Variants in DNPEP observed in about 807,000 individuals in gnomAD.
DNPEP encodes aspartyl aminopeptidase.
Under a neutral mutation model 59.1 loss-of-function variants are expected in DNPEP, and 46 were observed. That is an observed-to-expected ratio of 0.78 (90% confidence interval 0.61 to 0.99). The LOEUF is 0.99. Among genes scored for constraint, DNPEP ranks in the 50% least tolerant of loss-of-function variants. DNPEP has a pLI of 0.00. For missense variants in DNPEP, 617 were observed against 649.9 expected, an observed-to-expected ratio of 0.95 and a Z score of 0.55; for synonymous variants, 229 against 242.2, an observed-to-expected ratio of 0.95 and a Z score of 0.50.
At position 219,373,563 on chromosome 2, in the gene DNPEP, A is replaced by C. The variant is rs1953258468; in HGVS notation, c.*729T>G. On this transcript the variant is annotated 3_prime_UTR_variant, in exon 15 of 15. Transcript: ENST00000273075. Reference sequence around the variant, plus strand: ...TTTTTTTTAAGTAGAGATGGGTTTCACCATGTTGGCAAGGCTGGTCTTGAA... The same window carrying C: ...TTTTTTTTAAGTAGAGATGGGTTTCCCCATGTTGGCAAGGCTGGTCTTGAA... 6.6e-6 allele frequency: 1 copy of C among 150,914 alleles called. No individual in the cohort carries two copies. The highest frequency in any genetic ancestry group is 2.4e-5 in the African/African-American group (1 of 40,912). The allele number at this position is 150,914 out of a possible 1,614,324, so 9.3% of individuals were successfully genotyped here.
intron 13 of DNPEP, among the ~76,000 whole-genome samples, chr2:219,380,664 G>A (rs1412105446): frequency 1.3e-5 from 2 of 152,186 alleles, no homozygotes; most frequent in South Asian, 2.1e-4. Context: ...CAGGCTGTCC[G>A]TCTAGGTTTG....
intron 10 of DNPEP, among the ~76,000 whole-genome samples, chr2:219,382,365 T>C (rs752322109): frequency 1.6e-4 from 24 of 152,226 alleles, no homozygotes; most frequent in Admixed American, 5.2e-4. Flanking sequence ...CTGCTCCCCT[T>C]CCTCCTCTCG....
rs893224945 is a variant in DNPEP at position 219,372,449 on chromosome 2, T to C, written c.*1843A>G. On this transcript the variant is annotated 3_prime_UTR_variant, in exon 15 of 15. Coordinates refer to ENST00000273075, the MANE Select transcript of DNPEP (RefSeq NM_012100.4). ...GGCTCAATCTTGGCTCACTGCAGCC[T>C]CTGCCTCCCTGGCTCAAGCTATTCT... Among the ~76,000 whole-genome samples, 1 of 152,164 alleles carries C rather than the reference T, an allele frequency of 6.6e-6. No individual in the cohort carries two copies. Among genetic ancestry groups the C allele is most frequent in the Non-Finnish European group, 1.5e-5 (1 of 68,032 alleles).
chr2:219,388,910 G>C, upstream of DNPEP: 1 of 980,830 alleles, frequency 1.0e-6, no homozygotes, highest in South Asian at 4.7e-5. Context: ...AGAGAAAGCT[G>C]AGATACGGAG....
chr2:219,397,520 G>T (rs961249452), intron 1 of DNPEP, among the ~76,000 whole-genome samples: 2 of 152,084 alleles, frequency 1.3e-5, no homozygotes, highest in Non-Finnish European at 2.9e-5. Context: ...AAGAATGTGG[G>T]TGGAATAGGT....
At chr2:219,388,045 C>G, upstream of DNPEP, 2 of 799,488 alleles carry the variant, frequency 2.5e-6, no homozygotes, top group Non-Finnish European at 3.4e-6. Context: ...CCTCGCTGGG[C>G]ACCACCACCC....
intron 13 of DNPEP, 148 bp downstream of exon 13, chr2:219,381,187 G>A (rs1953579848): frequency 5.5e-6 from 4 of 733,116 alleles, no homozygotes; most frequent in Non-Finnish European, 4.8e-6. Context: ...GAATCCAGCT[G>A]TATCCAAAAT....
chr2:219,385,497 A>G lies in DNPEP; in HGVS notation c.701T>C (p.Leu234Pro). Residue 234 changes from leucine to proline, a missense_variant, in exon 8 of 15, where the codon CTC (leucine) becomes CCC (proline). Leu to Pro is a moderately conservative substitution (Grantham distance 98). Coordinates refer to ENST00000273075, the MANE Select transcript of DNPEP (RefSeq NM_012100.4). ...ERHHSVLMSLLCAHLGLSPKD... is the reference protein window; with the variant it reads ...ERHHSVLMSLPCAHLGLSPKD... Reference sequence around the variant, plus strand: ...GGGGCTCAGCCCCAGATGGGCACAGAGCAGGGACATGAGGACCGAATGGTG... The same window carrying G: ...GGGGCTCAGCCCCAGATGGGCACAGGGCAGGGACATGAGGACCGAATGGTG... 2 of 1,606,732 alleles carry G rather than the reference A, an allele frequency of 1.2e-6. No homozygotes were observed. Among genetic ancestry groups the G allele is most frequent in the Non-Finnish European group, 1.7e-6 (2 of 1,173,942 alleles).
In DNPEP at chr2:219,385,956, C is replaced by A. The variant is rs762285257; in HGVS notation, c.590+12G>T. 4.3e-6 allele frequency: 7 copies of A among 1,613,890 alleles called. No individual in the cohort carries two copies. The highest frequency in any genetic ancestry group is 5.9e-6 in the Non-Finnish European group (7 of 1,179,832). On this transcript the variant is annotated intron_variant, in intron 6 of 14. Coordinates refer to ENST00000273075, the MANE Select transcript of DNPEP (RefSeq NM_012100.4). ...ATCCCTCCCAGCCACCGCAGCCCTGCCCCAGTCTCACAGATGCATCTCTGT... is the reference window on the plus strand; with the variant it reads ...ATCCCTCCCAGCCACCGCAGCCCTGACCCAGTCTCACAGATGCATCTCTGT...
chr2:219,381,644 C>T, intron 11 of DNPEP, 60 bp from the exon 12 acceptor site: 1 of 1,549,558 alleles, frequency 6.5e-7, no homozygotes, highest in Admixed American at 1.7e-5. Flanking sequence ...CGACACTCAC[C>T]ACCCTCCCAT....
chr2:219,391,066 C>G (rs1360917287), upstream of DNPEP, among the ~76,000 whole-genome samples: 2 of 152,136 alleles, frequency 1.3e-5, no homozygotes, highest in Non-Finnish European at 2.9e-5. Flanking sequence ...ACCATAAATC[C>G]TGCGCTTAGA....
chr2:219,388,590 A>C, upstream of DNPEP: 1 of 607,442 alleles, frequency 1.6e-6, no homozygotes, highest in Non-Finnish European at 2.1e-6. Flanking sequence ...CGCGACCCGC[A>C]GCCGCCGCCA....
intron 1 of DNPEP, 74 bp from the exon 2 acceptor site, chr2:219,387,237 C>G: frequency 6.5e-7 from 1 of 1,528,594 alleles, no homozygotes; most frequent in Non-Finnish European, 8.8e-7. Context: ...CGAGGATTCT[C>G]CCATCCCCAC....
intron 1 of DNPEP, chr2:219,399,618 G>GAAT: frequency 1.6e-6 from 1 of 641,704 alleles, no homozygotes; most frequent in Admixed American, 2.2e-5. Context: ...AACGTGGAGA[G>GAAT]AATAGGGCAC....
At position 219,396,999 on chromosome 2, in the gene DNPEP, G is replaced by GT. The variant is rs142017413; in HGVS notation, c.-158+2940dup. Among the ~76,000 whole-genome samples, 1,409 of 152,330 alleles carry GT rather than the reference G, an allele frequency of 9.2e-3. 25 individuals carry two copies. The highest frequency in any genetic ancestry group is 0.032 in the African/African-American group (1,310 of 41,562). The stretch of plus-strand genomic sequence containing the variant: ...AAAGTGCTGGTTACTAACCTTGCAA[G>GT]TTTTATGGAACACTGTAAAACTGGC... On this transcript the variant is annotated intron_variant, in intron 1 of 6. Transcript: ENST00000434339.
Position 219,386,791 on chromosome 2 carries a change from G to A in DNPEP, c.220-13C>T, listed in dbSNP as rs1328911479. The A allele has an allele frequency of 1.2e-6, 2 of 1,611,832 alleles. No individual in the cohort carries two copies. Among genetic ancestry groups the A allele is most frequent in the Admixed American group, 1.7e-5 (1 of 59,814 alleles). ...TGGTCATGAAGTACTGAGGAGAAGG[G>A]GAGGAAAGACAGGGGTGTGAGTTGC... is the stretch of plus-strand genomic sequence containing the variant. On this transcript the variant is annotated splice_polypyrimidine_tract_variant and intron_variant, in intron 3 of 14. Transcript: ENST00000273075.
chr2:219,390,091 C>T (rs572588735), upstream of DNPEP, among the ~76,000 whole-genome samples: 12 of 152,162 alleles, frequency 7.9e-5, no homozygotes, highest in East Asian at 1.2e-3. Context: ...GAAAGTGAGC[C>T]GGGAGTGGTG....
chr2:219,385,981 T>G lies in DNPEP; in HGVS notation c.577A>C (p.Thr193Pro), dbSNP rs759720238. The stretch of plus-strand genomic sequence containing the variant: ...CCCCAGTCTCACAGATGCATCTCTG[T>G]GTTGGGCCCAAAGTTCTCGTTGATA... ...RNINENFGPNTEMHLVPILAT... is the reference protein window; with the variant it reads ...RNINENFGPNPEMHLVPILAT... Residue 193 changes from threonine to proline, a missense_variant, in exon 6 of 15, where the codon ACA (threonine) becomes CCA (proline). Transcript: ENST00000273075. 6.2e-7 allele frequency: 1 copy of G among 1,614,124 alleles called. No individual in the cohort carries two copies.
upstream of DNPEP, among the ~76,000 whole-genome samples, chr2:219,388,283 C>A (rs1237710196): frequency 2.2e-4 from 32 of 147,786 alleles, no homozygotes; most frequent in East Asian, 5.9e-3. Context: ...CGCTGTACCC[C>A]ACTACTCGCC....
Sources: gnomAD v4.1 joint callset for allele counts (sites outside exome capture counted in the v4.1 genomes callset) on GRCh38, gnomAD v4.1.1 for gene constraint, MANE v1.5 for transcripts, NCBI Gene and HGNC (gene_info 2026-07-23, HGNC 2026-07-21) for gene names.